SERINC5: variants seen among roughly 807,000 people sequenced by gnomAD.
SERINC5 encodes the protein chromosome 5 open reading frame 12.
SERINC5 carries 41 observed loss-of-function variants against 63.1 expected under a neutral mutation model. That is an observed-to-expected ratio of 0.65 (90% confidence interval 0.51 to 0.84). The LOEUF is 0.84. SERINC5 is among the 40% of genes least tolerant of loss of function. SERINC5 has a pLI of 0.00. For missense variants in SERINC5, 523 were observed against 573.0 expected, an observed-to-expected ratio of 0.91 and a Z score of 0.89; for synonymous variants, 222 against 215.2, an observed-to-expected ratio of 1.03 and a Z score of -0.28.
intron 11 of SERINC5, among the ~76,000 whole-genome samples, chr5:80,132,593 T>G (rs778291401): frequency 2.1e-5 from 3 of 144,170 alleles, no homozygotes; most frequent in Non-Finnish European, 3.1e-5. Context: ...TGCATTTGCC[T>G]TAGTTCTTTT....
Position 80,181,416 on chromosome 5 carries a change from T to TGTGTGTGTGTGTGTGTGTGTGTGTGTGTG in SERINC5, c.196-3353_196-3352insCACACACACACACACACACACACACACAC, listed in dbSNP as rs1580124918. ...CATGCACCACCAAGCTCAGCTAATTTTGTGTGTGTGTGTGTGTGTGTGTGT... is the reference window on the plus strand; with the variant it reads ...CATGCACCACCAAGCTCAGCTAATTTGTGTGTGTGTGTGTGTGTGTGTGTGTGTGTGTGTGTGTGTGTGTGTGTGTGTGT... On this transcript the variant is annotated intron_variant, in intron 2 of 11. Transcript: ENST00000507668. Among the ~76,000 whole-genome samples, 870 of 145,410 alleles carry TGTGTGTGTGTGTGTGTGTGTGTGTGTGTG rather than the reference T, an allele frequency of 6.0e-3. 25 individuals carry two copies. The highest frequency in any genetic ancestry group is 0.032 in the East Asian group (138 of 4,296).
chr5:80,185,629 C>T (rs1407856530), intron 2 of SERINC5, among the ~76,000 whole-genome samples: 1 of 151,860 alleles, frequency 6.6e-6, no homozygotes, highest in African/African-American at 2.4e-5. Flanking sequence ...AGGGTGGGGC[C>T]GTTTTATAAG....
rs960841174 is a variant in SERINC5 at position 80,141,502 on chromosome 5, G to T, written c.*2161C>A. The T allele has an allele frequency of 1.6e-5, 16 of 985,432 alleles. No homozygotes were observed. The highest frequency in any genetic ancestry group is 1.8e-5 in the Non-Finnish European group (15 of 830,030). 61.0% of individuals were successfully genotyped at this position (985,432 alleles called of 1,614,324 possible). On this transcript the variant is annotated 3_prime_UTR_variant, in exon 12 of 12. Transcript: ENST00000507668. Reference sequence around the variant, plus strand: ...CACCAGCTGGCAGCCAGACCCAGCCGAGAGGACAAAGCAAGGGCTCTGCTA... The same window carrying T: ...CACCAGCTGGCAGCCAGACCCAGCCTAGAGGACAAAGCAAGGGCTCTGCTA...
chr5:80,135,711 C>T (rs1032427607), downstream of SERINC5, among the ~76,000 whole-genome samples: 1 of 151,892 alleles, frequency 6.6e-6, no homozygotes, highest in African/African-American at 2.4e-5. Context: ...TGTGTGAAAG[C>T]TTTATTGTGG....
intron 7 of SERINC5, among the ~76,000 whole-genome samples, chr5:80,160,636 G>GTT: frequency 6.6e-6 from 1 of 152,224 alleles, no homozygotes; most frequent in East Asian, 1.9e-4. Context: ...GGCTTTTAGT[G>GTT]TATCTATCAC....
intron 1 of SERINC5, among the ~76,000 whole-genome samples, chr5:80,241,739 A>T (rs1751950392): frequency 6.6e-6 from 1 of 152,132 alleles, no homozygotes; most frequent in Admixed American, 6.6e-5. Flanking sequence ...AGAAGGGGAA[A>T]TGAAATGGAA....
intron 1 of SERINC5, among the ~76,000 whole-genome samples, chr5:80,242,812 A>T (rs1752005523): frequency 6.6e-6 from 1 of 152,048 alleles, no homozygotes; most frequent in South Asian, 2.1e-4. Flanking sequence ...AATCCCAGCT[A>T]CTCCAGAGGC....
chr5:80,178,490 T>C (rs1748191092), intron 2 of SERINC5, among the ~76,000 whole-genome samples: 1 of 149,018 alleles, frequency 6.7e-6, no homozygotes, highest in Non-Finnish European at 1.5e-5. Context: ...AGCCTCCCAA[T>C]TAGCTGGGAC....
At chr5:80,211,749 T>C (rs190955295) in intron 1 of SERINC5, among the ~76,000 whole-genome samples, 23 of 152,360 alleles carry the variant, frequency 1.5e-4, no homozygotes, top group African/African-American at 5.0e-4. Flanking sequence ...TATTGCTGCA[T>C]GGTCTACGTT....
rs945323054 is a variant in SERINC5, at chr5:80,141,358, C to T, written c.*2305G>A. ...GAGGGCCTTCTACCGGCCACACTCC[C>T]TTGCTTGGGCTTCCCTAAGCTGCTT... On this transcript the variant is annotated 3_prime_UTR_variant, in exon 12 of 12. Coordinates refer to ENST00000507668, the MANE Select transcript of SERINC5 (RefSeq NM_001174072.3). 7 of 985,332 alleles carry T rather than the reference C, an allele frequency of 7.1e-6. No individual in the cohort carries two copies. Among genetic ancestry groups the T allele is most frequent in the Non-Finnish European group, 8.4e-6 (7 of 829,944 alleles). 61.0% of individuals were successfully genotyped at this position (985,332 alleles called of 1,614,324 possible). A position where few individuals can be genotyped will look rare whatever the true frequency, so the allele number is the denominator to read the frequency against.
rs981713827 is a variant in SERINC5, at chr5:80,143,776, C to T, written c.1273G>A (p.Gly425Arg). ...ESANIESFFSGSWSIFWVKMA... is the reference protein window; with the variant it reads ...ESANIESFFSRSWSIFWVKMA... ...TTGACCCAGAAGATGGACCAGCTCC[C>T]GCTGAAGAAGCTCTCGATGTTGGCA... The change falls in exon 12 of 12, where the codon GGG becomes AGG. Residue 425 changes from glycine to arginine, a missense_variant. Transcript: ENST00000507668. 4.7e-5 allele frequency: 72 copies of T among 1,536,002 alleles called. No homozygotes were observed. The highest frequency in any genetic ancestry group is 6.1e-5 in the Non-Finnish European group (70 of 1,146,882).
At position 80,238,272 on chromosome 5, in the gene SERINC5, TA is replaced by T. The variant is rs140687253; in HGVS notation, c.27+17623del. On this transcript the variant is annotated intron_variant, in intron 1 of 11. Transcript: ENST00000507668. ...AATGATTTGCATAAAGTGCCTCATT[TA>T]AATGGCTTCATACCCCTTACTCAGC... Among the ~76,000 whole-genome samples the T allele has an allele frequency of 1.9e-3, 291 of 152,226 alleles. 2 individuals carry two copies. Among genetic ancestry groups the T allele is most frequent in the African/African-American group, 6.6e-3 (273 of 41,522 alleles).
intron 2 of SERINC5, among the ~76,000 whole-genome samples, chr5:80,183,894 G>C (rs530857312): frequency 4.6e-5 from 7 of 152,162 alleles, no homozygotes; most frequent in Admixed American, 6.5e-5. Flanking sequence ...ACACCGACGC[G>C]CATGAAAGGA....
chr5:80,227,901 T>A (rs932033416), intron 1 of SERINC5, among the ~76,000 whole-genome samples: 1 of 151,746 alleles, frequency 6.6e-6, no homozygotes, highest in Non-Finnish European at 1.5e-5. Flanking sequence ...TAAAAGTTTC[T>A]AGCAATTATT....
intron 2 of SERINC5, among the ~76,000 whole-genome samples, chr5:80,192,415 C>T (rs549618616): frequency 6.6e-6 from 1 of 151,454 alleles, no homozygotes; most frequent in African/African-American, 2.4e-5. Context: ...GTGAATCAAA[C>T]TGTGTATCTC....
chr5:80,238,610 C>A (rs1317915196), intron 1 of SERINC5, among the ~76,000 whole-genome samples: 4 of 151,858 alleles, frequency 2.6e-5, no homozygotes, highest in Non-Finnish European at 4.4e-5. Flanking sequence ...GTGGCAAAAC[C>A]CGATCTCTAC....
rs55740328 is a variant in SERINC5, at chr5:80,139,980, G to T, written c.*3683C>A. On this transcript the variant is annotated 3_prime_UTR_variant, in exon 12 of 12. Transcript: ENST00000507668. ...AAATACAGGCTCTGGAATTTCCTTC[G>T]CAGGAAGGTGAAGCACCAATGATGG... 1.0e-6 allele frequency: 1 copy of T among 985,180 alleles called. No homozygotes were observed. 61.0% of individuals were successfully genotyped at this position (985,180 alleles called of 1,614,324 possible).
At chr5:80,170,963 G>A (rs1012660303) in intron 5 of SERINC5, among the ~76,000 whole-genome samples, 8 of 152,134 alleles carry the variant, frequency 5.3e-5, no homozygotes, top group Non-Finnish European at 8.8e-5. Context: ...AGCCATGACT[G>A]TACTACTGCA....
At chr5:80,201,882 A>G (rs112517014) in intron 2 of SERINC5, among the ~76,000 whole-genome samples, 1,775 of 152,288 alleles carry the variant, frequency 0.012, 43 homozygotes, top group African/African-American at 0.04. Flanking sequence ...TATTTGTGAG[A>G]ATATCAGCTT....
Sources: allele counts gnomAD v4.1 joint callset (sites outside exome capture counted in the v4.1 genomes callset), GRCh38; gene constraint gnomAD v4.1.1; transcripts MANE v1.5; gene names NCBI Gene and HGNC (gene_info 2026-07-23, HGNC 2026-07-21).